Variants in RFX4 observed in about 807,000 individuals in gnomAD.
The protein encoded by RFX4 is regulatory factor X4.
Under a neutral mutation model 95.0 loss-of-function variants are expected in RFX4, and 10 were observed. That is an observed-to-expected ratio of 0.11 (90% CI 0.06 to 0.18). The LOEUF (loss-of-function observed/expected upper bound fraction) is 0.18, where lower values mean the gene tolerates loss of function less well. Among genes scored for constraint, RFX4 ranks in the 10% least tolerant of loss-of-function variants. The pLI, the probability that RFX4 is intolerant of heterozygous loss-of-function variation, is 1.00. For missense variants in RFX4, 640 were observed against 922.0 expected (o/e 0.69, Z 3.96); for synonymous variants, 321 against 340.7 (o/e 0.94, Z 0.64).
At chr12:106,625,122 A>G (rs1180652816) in intron 2 of RFX4, among the ~76,000 whole-genome samples, 1 of 152,218 alleles carries the variant, frequency 6.6e-6, no homozygotes, top group African/African-American at 2.4e-5. Context: ...CCTGTTTTAC[A>G]GTTAAGGAAA....
chr12:106,665,772 T>C (rs1169694909), intron 4 of RFX4, among the ~76,000 whole-genome samples: 1 of 151,696 alleles, frequency 6.6e-6, no homozygotes, highest in Non-Finnish European at 1.5e-5. Context: ...GGCGAGCACC[T>C]TATAATGAGA....
At position 106,590,344 on chromosome 12, in the gene RFX4, A is replaced by G. The variant is rs140688487; in HGVS notation, c.43+6981A>G. Among the ~76,000 whole-genome samples, 766 of 152,374 alleles carry G rather than the reference A, an allele frequency of 5.0e-3. 3 individuals are homozygous for G. Among genetic ancestry groups the G allele is most frequent in the South Asian group, 0.024 (115 of 4,832 alleles). ...TCACTTTGCTAAGCATTTTAAGTAC[A>G]TTATCTGTGTAATGCTCACAACAAT... On this transcript the variant is annotated intron_variant, in intron 1 of 17. Transcript: ENST00000392842.
chr12:106,597,554 A>G (rs2039639925), intron 1 of RFX4, among the ~76,000 whole-genome samples: 1 of 152,232 alleles, frequency 6.6e-6, no homozygotes, highest in African/African-American at 2.4e-5. Flanking sequence ...GTGAGCTGTT[A>G]CTGATACTAC....
At chr12:106,651,648 A>T (rs994989096) in intron 3 of RFX4, among the ~76,000 whole-genome samples, 9 of 152,340 alleles carry the variant, frequency 5.9e-5, no homozygotes, top group East Asian at 5.8e-4. Context: ...ATCATGTCTT[A>T]TGCCAACACA....
rs1178025736 is a variant in RFX4, at chr12:106,761,430, T to G, written c.2169T>G (p.Ala723=). The change falls in exon 18 of 18, where the codon GCT becomes GCG. Residue 723 remains alanine, a synonymous_variant. Coordinates refer to ENST00000392842, the MANE Select transcript of RFX4 (RefSeq NM_213594.3). ...YEHMQHFPGF[A]YINGEASTGW... ...ACATGCAACACTTTCCTGGCTTTGC[T>G]TACATCAACGGAGAGGCCTCTACAG... 8.7e-6 allele frequency: 14 copies of G among 1,613,944 alleles called. No homozygotes were observed. Among genetic ancestry groups the G allele is most frequent in the Non-Finnish European group, 9.3e-6 (11 of 1,180,004 alleles).
At chr12:106,758,088 G>A (rs1221962265) in intron 17 of RFX4, among the ~76,000 whole-genome samples, 1 of 152,226 alleles carries the variant, frequency 6.6e-6, no homozygotes, top group African/African-American at 2.4e-5. Flanking sequence ...AACAAAAGGT[G>A]CCTTATTCCA....
chr12:106,663,682 T>A (rs932518804), intron 4 of RFX4, among the ~76,000 whole-genome samples: 8 of 151,898 alleles, frequency 5.3e-5, no homozygotes, highest in African/African-American at 1.9e-4. Context: ...AAGTATAATG[T>A]TAGCTGTAGG....
At chr12:106,644,107 CT>C (rs1319707326) in intron 3 of RFX4, among the ~76,000 whole-genome samples, 6 of 152,158 alleles carry the variant, frequency 3.9e-5, no homozygotes, top group Non-Finnish European at 8.8e-5. Flanking sequence ...TGATCCACTA[CT>C]TGCTTTCTTC....
chr12:106,624,161 G>A (rs552720267), intron 2 of RFX4, among the ~76,000 whole-genome samples: 4 of 152,240 alleles, frequency 2.6e-5, no homozygotes, highest in East Asian at 3.9e-4. Flanking sequence ...CTTATTTTAC[G>A]TTGGTTTTGT....
intron 17 of RFX4, among the ~76,000 whole-genome samples, chr12:106,751,819 T>C (rs1199692991): frequency 6.6e-6 from 1 of 151,990 alleles, no homozygotes; most frequent in Non-Finnish European, 1.5e-5. Context: ...TTGAGTTCAT[T>C]GTAGATTCTG....
rs1240124246 is a variant in RFX4, at chr12:106,744,151, T to A, written c.1634-3286T>A. 2.6e-5 allele frequency among the ~76,000 whole-genome samples: 4 copies of A among 152,248 alleles called. No homozygotes were observed. In the South Asian group the frequency reaches 8.3e-4, roughly 31 times the overall value. On this transcript the variant is annotated intron_variant, in intron 15 of 17. Transcript: ENST00000392842. ...AAACATAGAGGAGGGCAATTATGCA[T>A]AATCCAGTCATCTGAGTTGTGATCA...
At chr12:106,644,275 T>G (rs1455122184) in intron 3 of RFX4, among the ~76,000 whole-genome samples, 3 of 139,396 alleles carry the variant, frequency 2.2e-5, no homozygotes, top group African/African-American at 8.0e-5. Context: ...GCTCTGTCAC[T>G]CAGGCTGGAG....
chr12:106,703,813 C>T (rs1037020257), intron 8 of RFX4, among the ~76,000 whole-genome samples: 4 of 152,050 alleles, frequency 2.6e-5, no homozygotes, highest in African/African-American at 9.7e-5. Context: ...TGCCTGTAAT[C>T]CCAGCACTTT....
At chr12:106,687,497 C>T (rs1035063413) in intron 6 of RFX4, among the ~76,000 whole-genome samples, 2 of 143,466 alleles carry the variant, frequency 1.4e-5, no homozygotes, top group Admixed American at 1.5e-4. Context: ...TGCAGTGAGC[C>T]AAGATTGCAC....
At chr12:106,637,815 G>A (rs1330807623) in intron 2 of RFX4, among the ~76,000 whole-genome samples, 1 of 152,112 alleles carries the variant, frequency 6.6e-6, no homozygotes, top group Non-Finnish European at 1.5e-5. Context: ...GGTCATGTGA[G>A]CTAAATCTGG....
intron 17 of RFX4, among the ~76,000 whole-genome samples, chr12:106,759,680 A>G (rs2043175618): frequency 6.6e-6 from 1 of 152,104 alleles, no homozygotes. Flanking sequence ...TGGGATTAGG[A>G]AAGCCTTGGC....
At chr12:106,632,042 T>A (rs1423052720) in intron 2 of RFX4, among the ~76,000 whole-genome samples, 1 of 152,232 alleles carries the variant, frequency 6.6e-6, no homozygotes, top group African/African-American at 2.4e-5. Context: ...TTACAGATAA[T>A]GAAACTGAGG....
chr12:106,714,810 A>G (rs1315839484), intron 10 of RFX4: 1 of 152,282 alleles, frequency 6.6e-6, no homozygotes, highest in Non-Finnish European at 1.5e-5. Context: ...GATGTATGGT[A>G]TAGTTTCCCT....
At chr12:106,642,799 G>A (rs76118344) in intron 3 of RFX4, among the ~76,000 whole-genome samples, 15,173 of 152,220 alleles carry the variant, frequency 0.1, 961 homozygotes, top group Middle Eastern at 0.14. Context: ...CACCATGACA[G>A]TGTGAAAACC....
Sources: allele counts gnomAD v4.1 joint callset (sites outside exome capture counted in the v4.1 genomes callset), GRCh38; gene constraint gnomAD v4.1.1; transcripts MANE v1.5; gene names NCBI Gene and HGNC (gene_info 2026-07-23, HGNC 2026-07-21).